CNTN5: variants seen among roughly 807,000 people sequenced by gnomAD.
The protein encoded by CNTN5 is contactin-5.
A neutral mutation model predicts 129.1 loss-of-function variants in CNTN5; 77 were observed. That is an observed-to-expected ratio of 0.60 (90% CI 0.50 to 0.72). The LOEUF (loss-of-function observed/expected upper bound fraction) is 0.72. Ranked by LOEUF, CNTN5 falls within the 30% of genes least tolerant of loss-of-function variation. The pLI, the probability that CNTN5 is intolerant of heterozygous loss-of-function variation, is 0.00. For missense variants in CNTN5, 1,478 were observed against 1,328.8 expected (o/e 1.11, Z -1.75); for synonymous variants, 509 against 465.6 (o/e 1.09, Z -1.20).
chr11:99,731,683 G>C (rs1943539915), intron 3 of CNTN5, among the ~76,000 whole-genome samples: 1 of 152,064 alleles, frequency 6.6e-6, no homozygotes, highest in South Asian at 2.1e-4. Flanking sequence ...CCAATTTAAT[G>C]ACAATTTCAT....
In CNTN5 at chr11:99,865,036, T is replaced by C. The variant is rs547137491; in HGVS notation, c.577+19774T>C. Among the ~76,000 whole-genome samples, 110 of 152,354 alleles carry C rather than the reference T, an allele frequency of 7.2e-4. 1 individual carries two copies. Among genetic ancestry groups the C allele is most frequent in the African/African-American group, 2.6e-3 (108 of 41,596 alleles). ...AATCAGTTGCCTCTGCCTTAATCTA[T>C]GTAACAAATATTAACAAAACACCTA... On this transcript the variant is annotated intron_variant, in intron 6 of 24. Transcript: ENST00000524871.
intron 7 of CNTN5, among the ~76,000 whole-genome samples, chr11:99,952,638 C>T (rs1422607410): frequency 6.6e-6 from 1 of 152,060 alleles, no homozygotes; most frequent in Non-Finnish European, 1.5e-5. Flanking sequence ...CTCAAGCTAC[C>T]CTCTCACCTC....
intron 6 of CNTN5, among the ~76,000 whole-genome samples, chr11:99,875,308 A>G (rs1472568503): frequency 6.6e-6 from 1 of 151,172 alleles, no homozygotes. Flanking sequence ...TTCTTTTCAT[A>G]CGTTGGTATG....
chr11:99,780,187 C>G (rs181391507), intron 3 of CNTN5, among the ~76,000 whole-genome samples: 1 of 152,010 alleles, frequency 6.6e-6, no homozygotes. Flanking sequence ...TTTTTCCCCC[C>G]CTTCAGATTA....
At chr11:99,523,070 A>G (rs1242669952) in intron 2 of CNTN5, among the ~76,000 whole-genome samples, 1 of 152,198 alleles carries the variant, frequency 6.6e-6, no homozygotes, top group Non-Finnish European at 1.5e-5. Context: ...GCCATAGGCA[A>G]TTATCTACAT....
At chr11:100,226,370 AC>A (rs1443310289) in intron 16 of CNTN5, among the ~76,000 whole-genome samples, 6 of 152,122 alleles carry the variant, frequency 3.9e-5, no homozygotes, top group Admixed American at 2.6e-4. Flanking sequence ...CTGATAAGAA[AC>A]CAGGTATTTT....
chr11:100,149,457 C>A, intron 13 of CNTN5, among the ~76,000 whole-genome samples: 1 of 151,856 alleles, frequency 6.6e-6, no homozygotes, highest in Admixed American at 6.6e-5. Flanking sequence ...ATAATAAATG[C>A]TATGATAAAT....
At chr11:99,208,129 G>C (rs528982519) in intron 1 of CNTN5, among the ~76,000 whole-genome samples, 1 of 152,116 alleles carries the variant, frequency 6.6e-6, no homozygotes, top group Non-Finnish European at 1.5e-5. Flanking sequence ...CATTGGGTGC[G>C]TGAAAAAGCA....
intron 6 of CNTN5, among the ~76,000 whole-genome samples, chr11:99,877,665 A>T (rs542515339): frequency 1.3e-5 from 2 of 152,322 alleles, no homozygotes; most frequent in East Asian, 1.9e-4. Context: ...TAATTTTAAC[A>T]TAACAGTCTT....
chr11:99,688,727 A>G (rs1953904446), intron 3 of CNTN5, among the ~76,000 whole-genome samples: 1 of 152,098 alleles, frequency 6.6e-6, no homozygotes, highest in Non-Finnish European at 1.5e-5. Context: ...CCCAGCATTC[A>G]TTAGCTATTC....
rs374900089 is a variant in CNTN5, at chr11:100,209,627, A to G, written c.1885-15065A>G. Among the ~76,000 whole-genome samples the G allele has an allele frequency of 8.5e-4, 130 of 152,354 alleles. 3 individuals carry two copies. The South Asian group carries it at 0.02, about 23-fold the overall frequency. On this transcript the variant is annotated intron_variant, in intron 15 of 24. Transcript: ENST00000524871. Reference sequence around the variant, plus strand: ...AAAATAGCATGTCTAGAAGACAGTCATAATATTTGCTACCTCATCTGTCCT... The same window carrying G: ...AAAATAGCATGTCTAGAAGACAGTCGTAATATTTGCTACCTCATCTGTCCT...
At chr11:99,210,664 G>A (rs11826719) in intron 1 of CNTN5, among the ~76,000 whole-genome samples, 75,658 of 151,932 alleles carry the variant, frequency 0.5, 19,270 homozygotes, top group Middle Eastern at 0.64. Context: ...ATATTTTAAC[G>A]TAATTTTTGT....
rs369154454 is a variant in CNTN5, at chr11:100,040,805, AT to A, written c.981-20400del. On this transcript the variant is annotated intron_variant, in intron 9 of 24. Coordinates refer to ENST00000524871, the MANE Select transcript of CNTN5 (RefSeq NM_014361.4). ...GCGGGATATAATCTCCTGGTGTGCC[AT>A]TTTTTTAAGCCCATTGGAAAAGCGC... Among the ~76,000 whole-genome samples the A allele has an allele frequency of 1.1e-3, 171 of 149,546 alleles. 6 individuals are homozygous for A. In the South Asian group the frequency reaches 0.035, roughly 31 times the overall value.
At position 99,644,968 on chromosome 11, in the gene CNTN5, G is replaced by GA. The variant is rs895916159; in HGVS notation, c.55+88709dup. 2.2e-4 allele frequency among the ~76,000 whole-genome samples: 33 copies of GA among 150,882 alleles called. No individual in the cohort carries two copies. In the South Asian group the frequency reaches 6.5e-3, roughly 30 times the overall value. ...CATTAAGAAACAAACAAAAAGATAT[G>GA]AAAAAAAAAATTTTGAGGTCAGGCG... On this transcript the variant is annotated intron_variant, in intron 3 of 24. Coordinates refer to ENST00000524871, the MANE Select transcript of CNTN5 (RefSeq NM_014361.4).
At chr11:99,373,167 C>G (rs1939935758) in intron 2 of CNTN5, among the ~76,000 whole-genome samples, 1 of 152,046 alleles carries the variant, frequency 6.6e-6, no homozygotes, top group Non-Finnish European at 1.5e-5. Flanking sequence ...CGAGATCGCA[C>G]CATTGCACTC....
intron 1 of CNTN5, among the ~76,000 whole-genome samples, chr11:99,220,046 G>A (rs887967662): frequency 2.0e-5 from 3 of 151,884 alleles, no homozygotes; most frequent in Non-Finnish European, 2.9e-5. Context: ...CATGCAACTT[G>A]TTCCAGACAC....
chr11:99,439,858 A>G (rs1358742560), intron 2 of CNTN5, among the ~76,000 whole-genome samples: 1 of 152,154 alleles, frequency 6.6e-6, no homozygotes, highest in African/African-American at 2.4e-5. Flanking sequence ...ATGCAATGAA[A>G]TACATTAGTA....
At chr11:99,932,977 A>G (rs1208194093) in intron 7 of CNTN5, among the ~76,000 whole-genome samples, 6 of 152,132 alleles carry the variant, frequency 3.9e-5, no homozygotes, top group African/African-American at 1.4e-4. Flanking sequence ...CAGTCCCAGT[A>G]TCTTTGTATC....
chr11:99,713,624 A>C (rs1159376575), intron 3 of CNTN5, among the ~76,000 whole-genome samples: 1 of 151,988 alleles, frequency 6.6e-6, no homozygotes, highest in Non-Finnish European at 1.5e-5. Context: ...TATGTTTACA[A>C]ATAGAAATAT....
Sources: gnomAD v4.1 joint callset for allele counts (sites outside exome capture counted in the v4.1 genomes callset) on GRCh38, gnomAD v4.1.1 for gene constraint, MANE v1.5 for transcripts, NCBI Gene and HGNC (gene_info 2026-07-23, HGNC 2026-07-21) for gene names.